PARVB: variants seen among roughly 807,000 people sequenced by gnomAD.
PARVB encodes parvin beta.
A neutral mutation model predicts 47.0 loss-of-function variants in PARVB; 46 were observed. That is an observed-to-expected ratio of 0.98 (90% CI 0.77 to 1.25). The LOEUF is 1.25. PARVB is among the 50% of genes most tolerant of loss of function. The pLI is 0.00. For synonymous variants in PARVB, 196 were observed against 196.3 expected, an observed-to-expected ratio of 1.00 and a Z score of 0.01; for missense variants, 473 against 471.6, an observed-to-expected ratio of 1.00 and a Z score of -0.03.
intron 1 of PARVB, among the ~76,000 whole-genome samples, chr22:44,085,812 G>A (rs201603009): frequency 6.6e-6 from 1 of 152,180 alleles, no homozygotes. Context: ...CAGCCCTTTG[G>A]CATCCATCCA....
chr22:44,043,570 G>A (rs1308903674), intron 1 of PARVB, among the ~76,000 whole-genome samples: 1 of 152,028 alleles, frequency 6.6e-6, no homozygotes, highest in Non-Finnish European at 1.5e-5. Context: ...GTAGAGACAG[G>A]GTTTCACCAT....
chr22:44,005,223 C>T (rs1478463357), intron 2 of PARVB, among the ~76,000 whole-genome samples: 1 of 151,588 alleles, frequency 6.6e-6, no homozygotes, highest in Non-Finnish European at 1.5e-5. Context: ...CTTCAGCCTC[C>T]CAAGTAACTG....
intron 1 of PARVB, among the ~76,000 whole-genome samples, chr22:44,067,855 C>T (rs1403492418): frequency 6.6e-6 from 1 of 152,204 alleles, no homozygotes; most frequent in African/African-American, 2.4e-5. Context: ...CTTTTTGTTG[C>T]TTCCTCAAGT....
At chr22:44,098,692 G>A (rs2052368176) in intron 2 of PARVB, among the ~76,000 whole-genome samples, 1 of 152,180 alleles carries the variant, frequency 6.6e-6, no homozygotes, top group African/African-American at 2.4e-5. Context: ...TCAGGCATCA[G>A]ATCTGTATGA....
At chr22:44,099,428 G>T (rs2052387447) in intron 2 of PARVB, among the ~76,000 whole-genome samples, 1 of 152,222 alleles carries the variant, frequency 6.6e-6, no homozygotes, top group African/African-American at 2.4e-5. Context: ...CCTGGTGTCT[G>T]TGGGATCCAG....
intron 4 of PARVB, among the ~76,000 whole-genome samples, chr22:44,123,908 C>T (rs2053129542): frequency 6.6e-6 from 1 of 152,252 alleles, no homozygotes; most frequent in Non-Finnish European, 1.5e-5. Flanking sequence ...GAGCCCCTGG[C>T]ACAGTGCCTG....
intron 2 of PARVB, among the ~76,000 whole-genome samples, 169 bp from the exon 3 acceptor site, chr22:44,099,884 G>A (rs1001571468): frequency 6.6e-6 from 1 of 152,160 alleles, no homozygotes; most frequent in African/African-American, 2.4e-5. Context: ...AGGGGAAGGC[G>A]GGAGGATGCC....
rs530043295 is a variant in PARVB at position 44,147,399 on chromosome 22, G to C, written c.713-462G>C. On this transcript the variant is annotated intron_variant, in intron 8 of 12. Coordinates refer to ENST00000338758, the MANE Select transcript of PARVB (RefSeq NM_013327.5). ...TCAGGGGCCAGGAGTGGAGTAGGAG[G>C]CTGCAGCTGCTCCCAGGCGAGGGGC... The C allele has an allele frequency of 2.4e-4, 81 of 334,694 alleles. 1 individual carries two copies. Among genetic ancestry groups the C allele is most frequent in the South Asian group, 1.9e-3 (79 of 41,170 alleles). 20.7% of individuals were successfully genotyped at this position (334,694 alleles called of 1,614,324 possible). A position where few individuals can be genotyped will look rare whatever the true frequency, so the allele number is the denominator to read the frequency against.
At chr22:44,122,986 G>A (rs529756505) in intron 4 of PARVB, among the ~76,000 whole-genome samples, 1 of 152,300 alleles carries the variant, frequency 6.6e-6, no homozygotes, top group South Asian at 2.1e-4. Context: ...ACAGAAACTA[G>A]AATTGTTGAC....
At chr22:44,035,229 G>C (rs2050898400) in intron 1 of PARVB, among the ~76,000 whole-genome samples, 1 of 152,178 alleles carries the variant, frequency 6.6e-6, no homozygotes, top group Admixed American at 6.5e-5. Context: ...GTTTATTGAT[G>C]CTGCACGTTT....
chr22:44,106,806 A>C (rs202143344), intron 3 of PARVB: 1 of 17,732 alleles, frequency 5.6e-5, no homozygotes, highest in Non-Finnish European at 1.0e-4. Context: ...GCTCCTGTTT[A>C]AAAAAAAAAA....
At chr22:44,146,199 C>G (rs1039864829) in intron 8 of PARVB, 6 of 149,192 alleles carry the variant, frequency 4.0e-5, no homozygotes, top group Non-Finnish European at 7.4e-5. Flanking sequence ...CACACCCGTG[C>G]TCACACGCAC....
intron 12 of PARVB, among the ~76,000 whole-genome samples, chr22:44,166,543 C>T (rs1269785457): frequency 2.0e-5 from 3 of 152,234 alleles, no homozygotes; most frequent in Non-Finnish European, 4.4e-5. Context: ...CTGGACGGCA[C>T]GTTAGGGAAC....
intron 4 of PARVB, among the ~76,000 whole-genome samples, chr22:44,120,953 C>T (rs762471165): frequency 6.6e-6 from 1 of 151,998 alleles, no homozygotes; most frequent in Non-Finnish European, 1.5e-5. Flanking sequence ...AAGTGATTCT[C>T]CTGCCTTAGC....
In PARVB at chr22:44,049,591, G is replaced by A. The variant is rs1235005520; in HGVS notation, c.112+25140G>A. Among the ~76,000 whole-genome samples the A allele has an allele frequency of 6.6e-6, 1 of 152,264 alleles. No individual in the cohort carries two copies. Among genetic ancestry groups the A allele is most frequent in the Non-Finnish European group, 1.5e-5 (1 of 68,048 alleles). On this transcript the variant is annotated intron_variant, in intron 1 of 12. Coordinates refer to ENST00000338758, the MANE Select transcript of PARVB (RefSeq NM_013327.5). This position sits in a 1 kb window ranked among gnomAD's most constrained non-coding sequence, Gnocchi z 4.0. ...CAGCGATAAAAGGCCTGCTGAGGAA[G>A]CGGCCCCACTCCCAGCACAGCCCCA... is the stretch of plus-strand genomic sequence containing the variant.
At chr22:44,026,703 T>C (rs978148968) in intron 1 of PARVB, among the ~76,000 whole-genome samples, 2 of 152,150 alleles carry the variant, frequency 1.3e-5, no homozygotes, top group African/African-American at 4.8e-5. Flanking sequence ...ACAGGGCGCT[T>C]GGGAGGTTTC....
chr22:44,024,445 C>A lies in PARVB; in HGVS notation c.106C>A (p.Arg36Ser). The change falls in exon 1 of 13, where the codon CGC becomes AGC. Residue 36 changes from arginine to serine, a missense_variant. Transcript: ENST00000338758. ...GGTLARKRRA[R>S]EVSDLQEEGK... ...CACCCTGGCCAGGAAGCGGAGGGCG[C>A]GCGAGGGTGAGTGCGCGCCCGCGCC... The A allele has an allele frequency of 8.4e-7, 1 of 1,184,712 alleles. No individual in the cohort carries two copies. 73.4% of individuals were successfully genotyped at this position (1,184,712 alleles called of 1,614,324 possible).
chr22:44,082,530 CAAAAACA>C (rs1005411995), intron 1 of PARVB, among the ~76,000 whole-genome samples: 29 of 152,040 alleles, frequency 1.9e-4, no homozygotes, highest in African/African-American at 2.9e-4. Flanking sequence ...AAAACAAAAA[CAAAAACA>C]AAAAACAAAA....
intron 3 of PARVB, among the ~76,000 whole-genome samples, chr22:44,118,831 C>T (rs1415101799): frequency 6.6e-6 from 1 of 151,758 alleles, no homozygotes; most frequent in African/African-American, 2.4e-5. Flanking sequence ...GCTGTGCAGC[C>T]CCTGTCTCTG....
Sources: allele counts gnomAD v4.1 joint callset (sites outside exome capture counted in the v4.1 genomes callset), GRCh38; gene constraint gnomAD v4.1.1; non-coding constraint Gnocchi (gnomAD v3.1); transcripts MANE v1.5; gene names NCBI Gene and HGNC (gene_info 2026-07-23, HGNC 2026-07-21).